NOXO1: variants seen among roughly 807,000 people sequenced by gnomAD.
NOXO1 encodes the protein NADPH oxidase regulatory protein.
In NOXO1, 38 loss-of-function variants were observed where a neutral mutation model predicts 33.3. The ratio of observed to expected loss-of-function variants is 1.14; its 90% CI spans 0.88 to 1.50. NOXO1 has a LOEUF of 1.50. Ranked by LOEUF, NOXO1 falls within the 40% of genes most tolerant of loss-of-function variation. The pLI is 0.00. For missense variants in NOXO1, 675 were observed against 527.1 expected (o/e 1.28, Z -2.75); for synonymous variants, 302 against 237.3 (o/e 1.27, Z -2.51).
chr16:1,981,183 T>C lies in NOXO1; in HGVS notation c.-4A>G. 6.2e-7 allele frequency: 1 copy of C among 1,613,626 alleles called. No individual in the cohort carries two copies. Among genetic ancestry groups the C allele is most frequent in the Non-Finnish European group, 8.5e-7 (1 of 1,180,006 alleles). ...CTGGGTATCGGGGGCCTGCCATGGC[T>C]GTGGCTTCCAGGCTGCAGATTCCTG... On this transcript the variant is annotated 5_prime_UTR_variant, in exon 1 of 8. Transcript: ENST00000356120.
Position 1,981,346 on chromosome 16 carries a change from C to T in NOXO1, c.-167G>A. ...GCCGCCCCAGCTGAGTCCTTTGCAG[C>T]TTTCTTGCTGTCCCCCAAGCCCACG... On this transcript the variant is annotated 5_prime_UTR_variant, in exon 1 of 8. Transcript: ENST00000356120. 2.1e-6 allele frequency: 3 copies of T among 1,433,174 alleles called. No homozygotes were observed. Among genetic ancestry groups the T allele is most frequent in the Non-Finnish European group, 2.7e-6 (3 of 1,096,280 alleles). The allele number at this position is 1,433,174 out of a possible 1,614,324, so 88.8% of individuals were successfully genotyped here.
rs762903707 is a variant in NOXO1 at position 1,980,418 on chromosome 16, C to T, written c.350G>A (p.Gly117Asp). The T allele has an allele frequency of 1.2e-6, 2 of 1,602,902 alleles. No individual in the cohort carries two copies. Among genetic ancestry groups the T allele is most frequent in the East Asian group, 2.2e-5 (1 of 44,872 alleles). The change falls in exon 4 of 8, where the codon GGC becomes GAC. Residue 117 changes from glycine to aspartate, a missense_variant. Gly to Asp is a moderately conservative substitution (Grantham distance 94). Transcript: ENST00000356120. ...ERVARSPTIT[G>D]FFAPQPLDLE... ...GTCCAGGGGTTGCGGTGCGAAGAAG[C>T]CAGTGATCGTCGGGCTCCGTGCCAC...
rs761949601 is a variant in NOXO1 at position 1,981,195 on chromosome 16, G to T, written c.-16C>A. 1.5e-5 allele frequency: 25 copies of T among 1,613,460 alleles called. No homozygotes were observed. The highest frequency in any genetic ancestry group is 2.0e-5 in the Non-Finnish European group (24 of 1,179,990). ...GGCCTGCCATGGCTGTGGCTTCCAG[G>T]CTGCAGATTCCTGAAATGGGCGAGG... On this transcript the variant is annotated 5_prime_UTR_variant, in exon 1 of 8. Transcript: ENST00000356120.
In NOXO1 at chr16:1,981,452, C is replaced by T. The variant is rs886726310; in HGVS notation, c.-273G>A. 6.7e-6 allele frequency: 5 copies of T among 751,130 alleles called. No individual in the cohort carries two copies. Among genetic ancestry groups the T allele is most frequent in the Admixed American group, 3.2e-5 (1 of 31,696 alleles). The allele number at this position is 751,130 out of a possible 1,614,324, so 46.5% of individuals were successfully genotyped here. A position where few individuals can be genotyped will look rare whatever the true frequency, so the allele number is the denominator to read the frequency against. ...AAGAAGAAGAATGAGCTTTCCAGCC[C>T]TGGAGGCGTGCAAGACTGAAGAAGG... On this transcript the variant is annotated 5_prime_UTR_variant, in exon 1 of 8. Coordinates refer to ENST00000356120, the MANE Select transcript of NOXO1 (RefSeq NM_172167.3).
chr16:1,979,807 G>C lies in NOXO1; in HGVS notation c.683C>G (p.Pro228Arg), dbSNP rs2038936294. Residue 228 changes from proline (P) to arginine (R), a missense_variant, in exon 6 of 8, where the codon CCG becomes CGG. Coordinates refer to ENST00000356120, the MANE Select transcript of NOXO1 (RefSeq NM_172167.3). ...AAPGQGREGGPSLGSSGPQFC... is the reference protein window; with the variant it reads ...AAPGQGREGGRSLGSSGPQFC... ...GCGCATACCGCTGCTCCCTAGGGAC[G>C]GGCCTCCCTCCCGGCCTTGGCCCGG... 1.1e-5 allele frequency: 17 copies of C among 1,558,734 alleles called. No homozygotes were observed. Among genetic ancestry groups the C allele is most frequent in the Middle Eastern group, 2.1e-4 (1 of 4,856 alleles).
In NOXO1 at chr16:1,979,274, C is replaced by A. The variant is rs764304167; in HGVS notation, c.894G>T (p.Thr298=). 1 of 1,548,846 alleles carries A rather than the reference C, an allele frequency of 6.5e-7. No individual in the cohort carries two copies. Among genetic ancestry groups the A allele is most frequent in the East Asian group, 2.4e-5 (1 of 41,168 alleles). ...PEGLGALLSG[T]GFRGGDDPAG... is the part of the protein sequence containing the mutation. The stretch of plus-strand genomic sequence containing the variant: ...CCGGGTCGTCTCCTCCACGGAACCC[C>A]GTCCCGCTCAGGAGAGCGCCCAGCC... The change falls in exon 8 of 8, where the codon ACG becomes ACT. Residue 298 remains threonine, a synonymous_variant. Transcript: ENST00000356120.
Position 1,980,130 on chromosome 16 carries a change from G to A in NOXO1, c.453C>T (p.Gly151=). 6.2e-7 allele frequency: 1 copy of A among 1,606,488 alleles called. No homozygotes were observed. Among genetic ancestry groups the A allele is most frequent in the East Asian group, 2.2e-5 (1 of 44,652 alleles). The change falls in exon 5 of 8, where the codon GGC becomes GGT. Residue 151 remains glycine, a synonymous_variant. Transcript: ENST00000356120. ...PEEQPLSRAA[G]RLSIHSLEAQ... is the part of the protein sequence containing the mutation. ...CCTCCAGACTGTGGATGGAGAGGCGGCCCGCAGCGCGAGAAAGAGGCTGCT... is the reference window on the plus strand; with the variant it reads ...CCTCCAGACTGTGGATGGAGAGGCGACCCGCAGCGCGAGAAAGAGGCTGCT...
rs1189975230 is a variant in NOXO1 at position 1,979,875 on chromosome 16, C to T, written c.615G>A (p.Arg205=). Reference sequence around the variant, plus strand: ...AGGGCGCTGGAAACCAGGCGGTCTGCCGGTCTTCGTTCTCCACCAGCCACC... The same window carrying T: ...AGGGCGCTGGAAACCAGGCGGTCTGTCGGTCTTCGTTCTCCACCAGCCACC... The part of the protein sequence containing the change: ...SGWWLVENED[R]QTAWFPAPYL... Residue 205 remains arginine (R), a synonymous_variant, in exon 6 of 8, where the codon CGG becomes CGA. Transcript: ENST00000356120. The T allele has an allele frequency of 1.3e-6, 2 of 1,581,744 alleles. No homozygotes were observed. Among genetic ancestry groups the T allele is most frequent in the Non-Finnish European group, 1.7e-6 (2 of 1,165,286 alleles).
In NOXO1 at chr16:1,980,457, G is replaced by C; in HGVS notation, c.311C>G (p.Ala104Gly). 2 of 1,601,902 alleles carry C rather than the reference G, an allele frequency of 1.2e-6. No homozygotes were observed. Among genetic ancestry groups the C allele is most frequent in the Non-Finnish European group, 1.7e-6 (2 of 1,179,838 alleles). The change falls in exon 4 of 8, where the codon GCG becomes GGG. Residue 104 changes from alanine to glycine, a missense_variant. Physicochemically the swap from Ala to Gly is moderately conservative, Grantham distance 60 (BLOSUM62 0). Transcript: ENST00000356120. ...GCTCCGTGCCACGCGCTCTGCAGTC[G>C]CCAGCAGCCTCCGAGAATAGGTTTC... is the stretch of plus-strand genomic sequence containing the variant. ...LLETYSRRLL[A>G]TAERVARSPT... is the part of the protein sequence containing the mutation.
Position 1,981,028 on chromosome 16 carries a change from CAA to C in NOXO1, c.67-11_67-10del. On this transcript the variant is annotated splice_polypyrimidine_tract_variant and intron_variant, in intron 1 of 7. Transcript: ENST00000356120. Reference sequence around the variant, plus strand: ...ACAGAGAAGGCAAACGTCTGGGGGACAAAAAGTTGGGAGTGCCGTGGAGGTGC... The same window carrying C: ...ACAGAGAAGGCAAACGTCTGGGGGACAAAGTTGGGAGTGCCGTGGAGGTGC... 1 of 1,613,308 alleles carries C rather than the reference CAA, an allele frequency of 6.2e-7. No homozygotes were observed. Among genetic ancestry groups the C allele is most frequent in the African/African-American group, 1.3e-5 (1 of 75,068 alleles).
chr16:1,980,381 C>A lies in NOXO1; in HGVS notation c.387G>T (p.Ala129=). The change falls in exon 4 of 8, where the codon GCG becomes GCT. Residue 129 remains alanine, a synonymous_variant. Coordinates refer to ENST00000356120, the MANE Select transcript of NOXO1 (RefSeq NM_172167.3). ...GAGTCAGGCACCTGCCGGGTGGCAG[C>A]GCGGGCTCCAGGTCCAGGGGTTGCG... ...FAPQPLDLEP[A]LPPGSRVILP... is the part of the protein sequence containing the mutation. The A allele has an allele frequency of 6.2e-7, 1 of 1,601,020 alleles. No homozygotes were observed. Among genetic ancestry groups the A allele is most frequent in the Non-Finnish European group, 8.5e-7 (1 of 1,179,068 alleles).
rs775221881 is a variant in NOXO1, at chr16:1,979,092, C to T, written c.1076G>A (p.Gly359Glu). ...GGGGTGCGGCACAGAGTCCACGCAC[C>T]CTCGAGGGCGGCCCTGGCGCCGTGG... ...RRPRRQGRPR[G>E]CVDSVPHPTT... The change falls in exon 8 of 8, where the codon GGG becomes GAG. Residue 359 changes from glycine to glutamate, a missense_variant. Coordinates refer to ENST00000356120, the MANE Select transcript of NOXO1 (RefSeq NM_172167.3). 1.3e-6 allele frequency: 2 copies of T among 1,510,806 alleles called. No individual in the cohort carries two copies. Among genetic ancestry groups the T allele is most frequent in the South Asian group, 1.2e-5 (1 of 80,084 alleles). 93.6% of individuals were successfully genotyped at this position (1,510,806 alleles called of 1,614,324 possible).
intron 5 of NOXO1, 27 bp downstream of exon 5, chr16:1,979,970 A>G (rs1471915202): frequency 1.8e-5 from 28 of 1,591,160 alleles, no homozygotes; most frequent in Non-Finnish European, 2.4e-5. Flanking sequence ...CAGAGGAGCA[A>G]ATCCCTGGGT....
In NOXO1 at chr16:1,980,070, G is replaced by C. The variant is rs1428973106; in HGVS notation, c.513C>G (p.Thr171=). 46 of 1,607,644 alleles carry C rather than the reference G, an allele frequency of 2.9e-5. No homozygotes were observed. The highest frequency in any genetic ancestry group is 3.9e-5 in the Non-Finnish European group (46 of 1,178,562). Residue 171 remains threonine (T), a synonymous_variant, in exon 5 of 8, where the codon ACC becomes ACG. Coordinates refer to ENST00000356120, the MANE Select transcript of NOXO1 (RefSeq NM_172167.3). ...GAAAAGGCCTATCCCGCGTGTCCTG[G>C]GTACAGAAGGGCTGCAGGCAGCGCA... The part of the protein sequence containing the change: ...QSLRCLQPFC[T]QDTRDRPFQA...
intron 4 of NOXO1, 89 bp from the exon 5 acceptor site, chr16:1,980,270 A>C: frequency 6.6e-7 from 1 of 1,515,792 alleles, no homozygotes; most frequent in Non-Finnish European, 8.9e-7. Context: ...CCAGCCTCCC[A>C]CTCTCTGCCC....
In NOXO1 at chr16:1,979,432, G is replaced by C. The variant is rs756925016; in HGVS notation, c.811C>G (p.Leu271Val). Residue 271 changes from leucine to valine, a missense_variant, in exon 7 of 8, where the codon CTA (leucine) becomes GTA (valine). Physicochemically the swap from Leu to Val is conservative, Grantham distance 32 (BLOSUM62 1). Transcript: ENST00000356120. ...VLETSDRGWW[L>V]CRYGDRAGLL... The stretch of plus-strand genomic sequence containing the variant: ...ACGCCCGCTCCCGCGTACCTGCATA[G>C]CCACCAGCCGCGGTCTGACGTTTCC... The C allele has an allele frequency of 2.1e-5, 33 of 1,608,904 alleles. No homozygotes were observed. In the East Asian group the frequency reaches 6.3e-4, roughly 30 times the overall value.
Position 1,981,369 on chromosome 16 carries a change from A to G in NOXO1, c.-190T>C. 7.3e-7 allele frequency: 1 copy of G among 1,377,246 alleles called. No individual in the cohort carries two copies. The allele number at this position is 1,377,246 out of a possible 1,614,324, so 85.3% of individuals were successfully genotyped here. A position where few individuals can be genotyped will look rare whatever the true frequency, so the allele number is the denominator to read the frequency against. ...AGCTTTCTTGCTGTCCCCCAAGCCC[A>G]CGATCTGGGGGCAGGAGCACAGGGA... On this transcript the variant is annotated 5_prime_UTR_variant, in exon 1 of 8. Coordinates refer to ENST00000356120, the MANE Select transcript of NOXO1 (RefSeq NM_172167.3).
At position 1,979,501 on chromosome 16, in the gene NOXO1, C is replaced by T. The variant is rs148518313; in HGVS notation, c.742G>A (p.Ala248Thr). The change falls in exon 7 of 8, where the codon GCA (alanine) becomes ACA (threonine). Residue 248 changes from alanine to threonine, a missense_variant. Coordinates refer to ENST00000356120, the MANE Select transcript of NOXO1 (RefSeq NM_172167.3). Reference sequence around the variant, plus strand: ...CCCGCGGGCACGGACAGCTCATCTGCGCGGCTGCTCTCGTAGGCGCGGGAA... The same window carrying T: ...CCCGCGGGCACGGACAGCTCATCTGTGCGGCTGCTCTCGTAGGCGCGGGAA... ...CASRAYESSR[A>T]DELSVPAGAR... 47 of 1,611,822 alleles carry T rather than the reference C, an allele frequency of 2.9e-5. No homozygotes were observed. In the African/African-American group the frequency reaches 3.9e-4, roughly 13 times the overall value.
rs2083442265 is a variant in NOXO1 at position 1,979,203 on chromosome 16, G to A, written c.965C>T (p.Pro322Leu). 4.1e-6 allele frequency: 6 copies of A among 1,464,832 alleles called. No individual in the cohort carries two copies. The highest frequency in any genetic ancestry group is 5.4e-6 in the Non-Finnish European group (6 of 1,116,178). The allele number at this position is 1,464,832 out of a possible 1,614,324, so 90.7% of individuals were successfully genotyped here. The change falls in exon 8 of 8, where the codon CCT becomes CTT. Residue 322 changes from proline to leucine, a missense_variant. Transcript: ENST00000356120. ...GFPEPSQATA[P>L]PPTVPTRPSP... ...AGGTCGGGTGGGCACGGTGGGGGGA[G>A]GGGCGGTGGCCTGGGAGGGTTCAGG...
Sources: allele counts gnomAD v4.1 joint callset, GRCh38; gene constraint gnomAD v4.1.1; transcripts MANE v1.5; gene names NCBI Gene and HGNC (gene_info 2026-07-23, HGNC 2026-07-21).